The following TSHZ3 variants were observed in gnomAD, a reference collection of about 807,000 sequenced individuals.
The protein encoded by TSHZ3 is teashirt zinc finger homeobox 3.
TSHZ3 carries 10 observed loss-of-function variants against 64.5 expected under a neutral mutation model. The ratio of observed to expected loss-of-function variants is 0.16; its 90% CI spans 0.10 to 0.26. The LOEUF is 0.26. Among genes scored for constraint, TSHZ3 ranks in the 10% least tolerant of loss-of-function variants. The pLI, the probability that TSHZ3 is intolerant of heterozygous loss-of-function variation, is 1.00. For missense variants in TSHZ3, 1,242 were observed against 1,421.7 expected, an observed-to-expected ratio of 0.87 and a Z score of 2.03; for synonymous variants, 608 against 593.1, an observed-to-expected ratio of 1.03 and a Z score of -0.36.
chr19:31,330,802 T>C (rs1244543048), intron 1 of TSHZ3, among the ~76,000 whole-genome samples: 1 of 151,794 alleles, frequency 6.6e-6, no homozygotes, highest in Non-Finnish European at 1.5e-5. Flanking sequence ...CAGGAGCTTG[T>C]TTTCCCAGCA....
rs765656790 is a variant in TSHZ3 at position 31,275,347 on chromosome 19, A to C, written c.*1200T>G. On this transcript the variant is annotated 3_prime_UTR_variant, in exon 2 of 2. Transcript: ENST00000240587. ...TAAGTGAAAGAGGTTGGATCACAGA[A>C]TGCCTCATGACTTTTAAGCAAAGTA... 2.0e-5 allele frequency: 3 copies of C among 152,638 alleles called. No homozygotes were observed. Among genetic ancestry groups the C allele is most frequent in the Non-Finnish European group, 4.4e-5 (3 of 68,040 alleles). The allele number at this position is 152,638 out of a possible 1,614,324, so 9.5% of individuals were successfully genotyped here.
chr19:31,258,444 G>A (rs977970498), intron 1 of TSHZ3, among the ~76,000 whole-genome samples: 14 of 152,130 alleles, frequency 9.2e-5, no homozygotes, highest in Non-Finnish European at 1.5e-4. Flanking sequence ...TCCTCAACCC[G>A]GGAAATCGCC....
chr19:31,178,980 A>C (rs1394514248), intron 5 of TSHZ3, among the ~76,000 whole-genome samples: 1 of 151,998 alleles, frequency 6.6e-6, no homozygotes, highest in Admixed American at 6.6e-5. Context: ...ATAGTAGTTG[A>C]AGACAGAGCA....
At chr19:31,213,727 T>G (rs1975291423) in intron 4 of TSHZ3, among the ~76,000 whole-genome samples, 1 of 152,088 alleles carries the variant, frequency 6.6e-6, no homozygotes, top group Non-Finnish European at 1.5e-5. Flanking sequence ...TAAAGTCTAT[T>G]TAAAAGAAAA....
At chr19:31,179,247 G>T (rs537768445) in intron 5 of TSHZ3, among the ~76,000 whole-genome samples, 1 of 152,176 alleles carries the variant, frequency 6.6e-6, no homozygotes, top group Non-Finnish European at 1.5e-5. Context: ...CAGGGAAGGA[G>T]CAGTAACCAG....
intron 5 of TSHZ3, among the ~76,000 whole-genome samples, chr19:31,178,771 G>A (rs1974653037): frequency 6.6e-6 from 1 of 152,194 alleles, no homozygotes; most frequent in Non-Finnish European, 1.5e-5. Flanking sequence ...TCCAGGGTGA[G>A]ACATGTCATC....
intron 3 of TSHZ3, among the ~76,000 whole-genome samples, chr19:31,237,340 T>A (rs962654066): frequency 1.3e-5 from 2 of 152,198 alleles, no homozygotes; most frequent in African/African-American, 4.8e-5. Context: ...CTTATGATAA[T>A]ATTCCTCATT....
At chr19:31,243,757 G>C (rs1361277972) in intron 1 of TSHZ3, among the ~76,000 whole-genome samples, 1 of 152,144 alleles carries the variant, frequency 6.6e-6, no homozygotes, top group African/African-American at 2.4e-5. Context: ...CTGGGAATGG[G>C]AGCTGGGTCC....
At chr19:31,283,945 G>A (rs185586255) in intron 1 of TSHZ3, among the ~76,000 whole-genome samples, 6 of 152,268 alleles carry the variant, frequency 3.9e-5, no homozygotes, top group Admixed American at 2.6e-4. Context: ...CAGGGCTGTC[G>A]AGAACCTGGT....
chr19:31,152,814 A>G (rs554357999), intron 6 of TSHZ3, among the ~76,000 whole-genome samples: 1 of 152,286 alleles, frequency 6.6e-6, no homozygotes, highest in African/African-American at 2.4e-5. Flanking sequence ...ACAGAACCCA[A>G]TGGAGAGGCA....
At chr19:31,242,267 A>C (rs1975701125) in intron 3 of TSHZ3, among the ~76,000 whole-genome samples, 1 of 152,202 alleles carries the variant, frequency 6.6e-6, no homozygotes, top group Non-Finnish European at 1.5e-5. Context: ...GAATTGGCTC[A>C]CATGATTATG....
chr19:31,191,643 G>A (rs1974908814), intron 5 of TSHZ3, among the ~76,000 whole-genome samples: 1 of 152,086 alleles, frequency 6.6e-6, no homozygotes, highest in Non-Finnish European at 1.5e-5. Context: ...GTTCACTTGT[G>A]GCCAGGATTT....
intron 5 of TSHZ3, among the ~76,000 whole-genome samples, chr19:31,179,949 G>A (rs1431229728): frequency 6.6e-6 from 1 of 152,074 alleles, no homozygotes; most frequent in Non-Finnish European, 1.5e-5. Flanking sequence ...CAGTAAGATA[G>A]GGAGGTAGAG....
chr19:31,206,646 T>TAA (rs112868091), intron 4 of TSHZ3, among the ~76,000 whole-genome samples: 3 of 151,606 alleles, frequency 2.0e-5, no homozygotes, highest in African/African-American at 7.3e-5. Flanking sequence ...AGTTATTCTT[T>TAA]AAAAAAAAAC....
In TSHZ3 at chr19:31,276,714, T is replaced by G. The variant is rs1976240209; in HGVS notation, c.3079A>C (p.Lys1027Gln). The G allele has an allele frequency of 1.9e-6, 3 of 1,613,596 alleles. No homozygotes were observed. Among genetic ancestry groups the G allele is most frequent in the Non-Finnish European group, 2.5e-6 (3 of 1,179,612 alleles). Reference sequence around the variant, plus strand: ...TCCTCGGGGGAGGACGTCACCATTTTTTCTGACGGTGACTTGGTTTGTGCT... The same window carrying G: ...TCCTCGGGGGAGGACGTCACCATTTGTTCTGACGGTGACTTGGTTTGTGCT... ...QIAQTKSPSE[K>Q]MVTSSPEEDL... The change falls in exon 2 of 2, where the codon AAA (lysine) becomes CAA (glutamine). Residue 1027 changes from lysine to glutamine, a missense_variant. By Grantham distance (53) the Lys-to-Gln change is moderately conservative (BLOSUM62 1). Transcript: ENST00000240587.
intron 1 of TSHZ3, among the ~76,000 whole-genome samples, chr19:31,323,803 A>C (rs946030740): frequency 2.6e-5 from 4 of 151,134 alleles, no homozygotes; most frequent in African/African-American, 7.3e-5. Flanking sequence ...CCTCAGAAAG[A>C]TGTTTTCTCC....
exon 4 of TSHZ3, among the ~76,000 whole-genome samples, chr19:31,228,034 C>T (rs1704459438): frequency 6.6e-6 from 1 of 152,180 alleles, no homozygotes; most frequent in Non-Finnish European, 1.5e-5. Flanking sequence ...CCCAGTGGGT[C>T]TTCCCATGGC....
intron 1 of TSHZ3, among the ~76,000 whole-genome samples, chr19:31,304,508 ACAAC>A (rs1456567410): frequency 8.1e-6 from 1 of 123,584 alleles, no homozygotes; most frequent in Non-Finnish European, 1.8e-5. Flanking sequence ...AACAACAACA[ACAAC>A]AAAAAATTAA....
downstream of TSHZ3, among the ~76,000 whole-genome samples, chr19:31,272,192 G>T (rs1212034236): frequency 6.6e-6 from 1 of 152,154 alleles, no homozygotes; most frequent in African/African-American, 2.4e-5. Context: ...ACGGGTTTCT[G>T]TCTTCAGAAT....
Sources: gnomAD v4.1 joint callset for allele counts (sites outside exome capture counted in the v4.1 genomes callset) on GRCh38, gnomAD v4.1.1 for gene constraint, MANE v1.5 for transcripts, NCBI Gene and HGNC (gene_info 2026-07-23, HGNC 2026-07-21) for gene names.